Variants in KIAA1549L observed in about 807,000 individuals in gnomAD.
KIAA1549L encodes KIAA1549 like, also known as UPF0606 protein KIAA1549L.
In KIAA1549L, 88 loss-of-function variants were observed where a neutral mutation model predicts 160.7. The ratio of observed to expected loss-of-function variants is 0.55; its 90% confidence interval spans 0.46 to 0.65. KIAA1549L has a LOEUF of 0.65. Among genes scored for constraint, KIAA1549L ranks in the 30% least tolerant of loss-of-function variants. KIAA1549L has a pLI of 0.00. For missense variants in KIAA1549L, 2,258 were observed against 2,437.5 expected, an observed-to-expected ratio of 0.93 and a Z score of 1.55; for synonymous variants, 950 against 976.7, an observed-to-expected ratio of 0.97 and a Z score of 0.51.
At chr11:33,477,366 A>T in intron 1 of KIAA1549L, among the ~76,000 whole-genome samples, 1 of 152,204 alleles carries the variant, frequency 6.6e-6, no homozygotes, top group Non-Finnish European at 1.5e-5. Flanking sequence ...CCAGTGAGGT[A>T]TGACTCACAG....
Position 33,671,447 on chromosome 11 carries a change from A to T in KIAA1549L, c.*3293A>T, listed in dbSNP as rs1452593442. On this transcript the variant is annotated 3_prime_UTR_variant, in exon 21 of 21. Transcript: ENST00000658780. ...CAAGGAGTTTCCTCTTTCAGGGTAGATTATGTAAGAATCAATTCCCTGGTC... is the reference window on the plus strand; with the variant it reads ...CAAGGAGTTTCCTCTTTCAGGGTAGTTTATGTAAGAATCAATTCCCTGGTC... 2 of 152,178 alleles carry T rather than the reference A, an allele frequency of 1.3e-5. No individual in the cohort carries two copies. The highest frequency in any genetic ancestry group is 2.9e-5 in the Non-Finnish European group (2 of 68,046). 9.4% of individuals were successfully genotyped at this position (152,178 alleles called of 1,614,324 possible). A position where few individuals can be genotyped will look rare whatever the true frequency, so the allele number is the denominator to read the frequency against.
chr11:33,593,032 C>G (rs1444113968), intron 12 of KIAA1549L, among the ~76,000 whole-genome samples: 1 of 152,136 alleles, frequency 6.6e-6, no homozygotes. Context: ...TTATGTCAGG[C>G]TTTACAGACC....
intron 4 of KIAA1549L, among the ~76,000 whole-genome samples, chr11:33,548,930 G>A (rs1854359938): frequency 6.6e-6 from 1 of 152,040 alleles, no homozygotes; most frequent in African/African-American, 2.4e-5. Flanking sequence ...GATCATTGTC[G>A]ATCTCTTTTA....
At chr11:33,395,225 C>T (rs1174006960) in intron 1 of KIAA1549L, among the ~76,000 whole-genome samples, 1 of 152,228 alleles carries the variant, frequency 6.6e-6, no homozygotes, top group Non-Finnish European at 1.5e-5. Context: ...AGAGCAGTCT[C>T]TGGCACACAG....
intron 20 of KIAA1549L, among the ~76,000 whole-genome samples, chr11:33,666,292 T>C (rs1031952420): frequency 5.3e-5 from 8 of 152,092 alleles, no homozygotes; most frequent in Admixed American, 3.9e-4. Flanking sequence ...CTCTATGGAG[T>C]GTGCAGCCCT....
chr11:33,656,145 T>G, intron 18 of KIAA1549L, 36 bp downstream of exon 18: 1 of 1,528,620 alleles, frequency 6.5e-7, no homozygotes, highest in Non-Finnish European at 9.0e-7. Context: ...TTTGGAATAT[T>G]TGGAAAAGGG....
intron 1 of KIAA1549L, among the ~76,000 whole-genome samples, chr11:33,390,300 C>T (rs1246182481): frequency 6.6e-6 from 1 of 152,228 alleles, no homozygotes; most frequent in Non-Finnish European, 1.5e-5. Flanking sequence ...TGTGCATCTC[C>T]TGGGCCCAGT....
intron 18 of KIAA1549L, among the ~76,000 whole-genome samples, chr11:33,656,486 C>G (rs566907810): frequency 1.6e-4 from 25 of 152,300 alleles, no homozygotes; most frequent in African/African-American, 5.5e-4. Context: ...CAGGGAGGGG[C>G]AGGCATGTCT....
At chr11:33,655,946 G>A in intron 17 of KIAA1549L, 66 bp from the exon 18 acceptor site, 1 of 1,112,988 alleles carries the variant, frequency 9.0e-7, no homozygotes. Flanking sequence ...TCAAACAAGA[G>A]GAACCTGTGT....
At chr11:33,482,313 T>C (rs1227559523) in intron 1 of KIAA1549L, among the ~76,000 whole-genome samples, 1 of 152,158 alleles carries the variant, frequency 6.6e-6, no homozygotes, top group Non-Finnish European at 1.5e-5. Flanking sequence ...TTATACTTTT[T>C]TTTTCTTGAA....
At chr11:33,573,517 C>T (rs992413765) in intron 9 of KIAA1549L, among the ~76,000 whole-genome samples, 2 of 152,168 alleles carry the variant, frequency 1.3e-5, no homozygotes, top group African/African-American at 4.8e-5. Flanking sequence ...TTCACCACTA[C>T]ACTATAGTAT....
chr11:33,477,513 A>G (rs1286068396), intron 1 of KIAA1549L, among the ~76,000 whole-genome samples: 1 of 144,790 alleles, frequency 6.9e-6, no homozygotes, highest in African/African-American at 2.6e-5. Flanking sequence ...GCACGCACAC[A>G]CACACAAACA....
At chr11:33,525,412 G>A (rs1256321451) in intron 1 of KIAA1549L, among the ~76,000 whole-genome samples, 1 of 152,140 alleles carries the variant, frequency 6.6e-6, no homozygotes, top group Admixed American at 6.5e-5. Context: ...AACCCTATAG[G>A]GTCTTCCTAG....
Position 33,475,360 on chromosome 11 carries a change from A to G in KIAA1549L, c.239-66442A>G, listed in dbSNP as rs553714865. 2.2e-4 allele frequency among the ~76,000 whole-genome samples: 34 copies of G among 152,350 alleles called. 1 individual carries two copies. The South Asian group carries it at 5.0e-3, about 22-fold the overall frequency. On this transcript the variant is annotated intron_variant, in intron 1 of 20. Coordinates refer to ENST00000658780, the MANE Select transcript of KIAA1549L (RefSeq NM_012194.3). ...CTTCTCCGTTTAATGGCTCTTAAAC[A>G]AAAGTGCATATCAGATTTGACTAAT...
intron 1 of KIAA1549L, among the ~76,000 whole-genome samples, chr11:33,531,929 C>G (rs1853782884): frequency 6.6e-6 from 1 of 152,164 alleles, no homozygotes; most frequent in South Asian, 2.1e-4. Context: ...TGGAGAGAGA[C>G]ACATCATCAA....
intron 1 of KIAA1549L, among the ~76,000 whole-genome samples, chr11:33,456,759 A>G (rs979676913): frequency 2.0e-5 from 3 of 152,112 alleles, no homozygotes; most frequent in Middle Eastern, 3.2e-3. Context: ...TTTTCTAACT[A>G]CTACTCAGAT....
intron 4 of KIAA1549L, among the ~76,000 whole-genome samples, chr11:33,550,346 TAAAA>T (rs11398265): frequency 9.4e-4 from 139 of 147,186 alleles, no homozygotes; most frequent in African/African-American, 3.4e-3. Context: ...CAAAACAAAT[TAAAA>T]AAAAACCCTG....
intron 3 of KIAA1549L, among the ~76,000 whole-genome samples, chr11:33,547,101 C>T (rs988806199): frequency 4.6e-5 from 7 of 152,248 alleles, no homozygotes; most frequent in African/African-American, 1.4e-4. Context: ...TGCGCCTTTG[C>T]GCTTGGTACT....
At chr11:33,396,021 A>T (rs1407601950) in intron 1 of KIAA1549L, among the ~76,000 whole-genome samples, 1 of 151,878 alleles carries the variant, frequency 6.6e-6, no homozygotes, top group Non-Finnish European at 1.5e-5. Flanking sequence ...AATTGGTTGT[A>T]TTTTTTTCTT....
Sources: allele counts gnomAD v4.1 joint callset (sites outside exome capture counted in the v4.1 genomes callset), GRCh38; gene constraint gnomAD v4.1.1; transcripts MANE v1.5; gene names NCBI Gene and HGNC (gene_info 2026-07-23, HGNC 2026-07-21).